The following FBXL17 variants were observed in gnomAD, a reference collection of about 807,000 sequenced individuals.
The protein encoded by FBXL17 is F-box/LRR-repeat protein 17.
A neutral mutation model predicts 66.2 loss-of-function variants in FBXL17; 22 were observed. That is an observed-to-expected ratio of 0.33 (90% CI 0.24 to 0.47). FBXL17 has a LOEUF of 0.47. Ranked by LOEUF, FBXL17 falls within the 20% of genes least tolerant of loss-of-function variation. FBXL17 has a pLI of 1.00. For missense variants in FBXL17, 878 were observed against 948.2 expected (o/e 0.93, Z 0.97); for synonymous variants, 474 against 400.5 (o/e 1.18, Z -2.19).
rs1276784039 is a variant in FBXL17, at chr5:108,111,342, CTATA to C, written c.1745+74771_1745+74774del. 7.9e-5 allele frequency among the ~76,000 whole-genome samples: 12 copies of C among 152,194 alleles called. No homozygotes were observed. In the East Asian group the frequency reaches 2.3e-3, roughly 29 times the overall value. ...TATGATAATTGGAAACAAAACAAGA[CTATA>C]TAACTTAGATATCAATGTTACATTT... On this transcript the variant is annotated intron_variant, in intron 6 of 8. Transcript: ENST00000542267.
chr5:108,370,877 T>C (rs1480299296), intron 1 of FBXL17, among the ~76,000 whole-genome samples: 1 of 152,086 alleles, frequency 6.6e-6, no homozygotes, highest in African/African-American at 2.4e-5. Flanking sequence ...TTAAAAGCAA[T>C]TGCCTCAAAA....
chr5:108,351,811 G>A (rs150380076), intron 3 of FBXL17, among the ~76,000 whole-genome samples: 1 of 152,326 alleles, frequency 6.6e-6, no homozygotes, highest in East Asian at 1.9e-4. Context: ...TAAAAGAAGA[G>A]AATCTACATA....
At chr5:107,862,697 T>C (rs1477951677) in intron 8 of FBXL17, among the ~76,000 whole-genome samples, 4 of 152,240 alleles carry the variant, frequency 2.6e-5, no homozygotes, top group African/African-American at 9.6e-5. Flanking sequence ...ACATCAATAT[T>C]TCATTTATAC....
chr5:108,273,353 A>G (rs1030543870), intron 4 of FBXL17, among the ~76,000 whole-genome samples: 12 of 151,096 alleles, frequency 7.9e-5, no homozygotes, highest in South Asian at 2.1e-4. Context: ...AATAAAAATA[A>G]TAATAATAAT....
intron 4 of FBXL17, among the ~76,000 whole-genome samples, chr5:108,259,465 T>C (rs914849994): frequency 4.6e-5 from 7 of 152,170 alleles, no homozygotes; most frequent in African/African-American, 1.7e-4. Context: ...AGTAAAGTTG[T>C]TTACATTCCT....
chr5:108,240,247 G>A (rs1561483133), intron 4 of FBXL17, among the ~76,000 whole-genome samples: 1 of 152,178 alleles, frequency 6.6e-6, no homozygotes, highest in Non-Finnish European at 1.5e-5. Context: ...AGAGCAACAA[G>A]TGGTCTATTG....
At chr5:108,370,018 C>T (rs1360707746) in intron 1 of FBXL17, among the ~76,000 whole-genome samples, 1 of 152,060 alleles carries the variant, frequency 6.6e-6, no homozygotes, top group Non-Finnish European at 1.5e-5. Flanking sequence ...ACCAATGCAC[C>T]ACAGGGCACA....
intron 7 of FBXL17, among the ~76,000 whole-genome samples, chr5:107,970,921 G>A (rs1045112522): frequency 2.0e-5 from 3 of 152,192 alleles, no homozygotes; most frequent in African/African-American, 7.2e-5. Flanking sequence ...CGTCAGTTAA[G>A]TAGAAAATTG....
intron 3 of FBXL17, among the ~76,000 whole-genome samples, chr5:108,352,217 G>T (rs193118859): frequency 6.6e-6 from 1 of 152,154 alleles, no homozygotes; most frequent in Non-Finnish European, 1.5e-5. Flanking sequence ...GGATATAACC[G>T]GCAAGACCAG....
chr5:108,320,329 C>T (rs1376117187), intron 4 of FBXL17, among the ~76,000 whole-genome samples: 1 of 151,580 alleles, frequency 6.6e-6, no homozygotes, highest in Non-Finnish European at 1.5e-5. Flanking sequence ...AGCCAGTAAT[C>T]ATCTGGGAGA....
intron 7 of FBXL17, among the ~76,000 whole-genome samples, chr5:107,996,141 A>AT (rs945245240): frequency 6.6e-6 from 1 of 152,104 alleles, no homozygotes; most frequent in South Asian, 2.1e-4. Flanking sequence ...GCCATGCCTG[A>AT]TTTTTTTCCC....
chr5:107,956,344 T>C (rs757395359), intron 7 of FBXL17, among the ~76,000 whole-genome samples: 3 of 152,178 alleles, frequency 2.0e-5, no homozygotes, highest in Non-Finnish European at 2.9e-5. Flanking sequence ...AGGTGTTTAT[T>C]TTGCACGAGG....
In FBXL17 at chr5:108,155,895, A is replaced by C. The variant is rs533210312; in HGVS notation, c.1745+30222T>G. Among the ~76,000 whole-genome samples the C allele has an allele frequency of 1.6e-4, 24 of 152,330 alleles. No homozygotes were observed. The South Asian group carries it at 3.9e-3, about 25-fold the overall frequency. ...TTATCCTTCTCTGCATTTTGCTTTT[A>C]AAATTTAATTTATAGCATATCAAAA... On this transcript the variant is annotated intron_variant, in intron 6 of 8. Transcript: ENST00000542267.
At chr5:107,912,295 T>C (rs1749974625) in intron 7 of FBXL17, among the ~76,000 whole-genome samples, 1 of 152,116 alleles carries the variant, frequency 6.6e-6, no homozygotes, top group Non-Finnish European at 1.5e-5. Context: ...AGGCAACTCC[T>C]CTAAGGTCCC....
intron 5 of FBXL17, among the ~76,000 whole-genome samples, chr5:108,209,148 T>G (rs1188703258): frequency 2.0e-5 from 3 of 152,234 alleles, no homozygotes; most frequent in African/African-American, 7.2e-5. Context: ...TTGTGATTTT[T>G]GCACATTGAT....
At chr5:108,030,539 A>G (rs943437988) in intron 6 of FBXL17, among the ~76,000 whole-genome samples, 4 of 152,146 alleles carry the variant, frequency 2.6e-5, no homozygotes, top group Admixed American at 2.6e-4. Context: ...CAAAATGAAC[A>G]GTGCATCTCT....
intron 6 of FBXL17, among the ~76,000 whole-genome samples, chr5:108,168,906 T>G (rs1752506557): frequency 6.6e-6 from 1 of 152,086 alleles, no homozygotes; most frequent in African/African-American, 2.4e-5. Context: ...ATAAGGAAAA[T>G]ACTGTCACTG....
At chr5:108,241,311 AT>A (rs988309404) in intron 4 of FBXL17, among the ~76,000 whole-genome samples, 7 of 152,150 alleles carry the variant, frequency 4.6e-5, no homozygotes, top group Non-Finnish European at 4.4e-5. Context: ...ACTAAAATAT[AT>A]TTTTTTAAAT....
intron 6 of FBXL17, among the ~76,000 whole-genome samples, chr5:108,162,782 A>AAC (rs1752264614): frequency 6.6e-6 from 1 of 152,086 alleles, no homozygotes; most frequent in Admixed American, 6.5e-5. Flanking sequence ...TCGGAAATTT[A>AAC]ATATATATAT....
Sources: allele counts gnomAD v4.1 joint callset (sites outside exome capture counted in the v4.1 genomes callset), GRCh38; gene constraint gnomAD v4.1.1; transcripts MANE v1.5; gene names NCBI Gene and HGNC (gene_info 2026-07-23, HGNC 2026-07-21).